The following UBP1 variants were observed in gnomAD, a reference collection of about 807,000 sequenced individuals.
UBP1 encodes the protein upstream-binding protein 1.
UBP1 carries 22 observed loss-of-function variants against 76.1 expected under a neutral mutation model. The observed-to-expected ratio is 0.29, with a 90% CI of 0.21 to 0.41. The LOEUF (loss-of-function observed/expected upper bound fraction) is 0.41, where lower values mean the gene tolerates loss of function less well. UBP1 is among the 10% of genes least tolerant of loss of function. The probability of loss-of-function intolerance (pLI) is 1.00; values close to 1 mark genes in which losing one functional copy is unlikely to be tolerated. For missense variants in UBP1, 436 were observed against 668.1 expected (o/e 0.65, Z 3.83); for synonymous variants, 224 against 237.1 (o/e 0.94, Z 0.51).
At chr3:33,403,973 C>T (rs946367985) in intron 8 of UBP1, among the ~76,000 whole-genome samples, 11 of 152,302 alleles carry the variant, frequency 7.2e-5, no homozygotes, top group African/African-American at 2.6e-4. Context: ...AGGCTGGACA[C>T]GGTGACTCAT....
chr3:33,434,422 C>G (rs1464679606), intron 1 of UBP1, among the ~76,000 whole-genome samples: 1 of 151,402 alleles, frequency 6.6e-6, no homozygotes, highest in African/African-American at 2.4e-5. Flanking sequence ...CCTCAGCCTC[C>G]CAGTAGCTGC....
intron 8 of UBP1, among the ~76,000 whole-genome samples, chr3:33,407,940 G>A (rs2044470517): frequency 6.6e-6 from 1 of 152,194 alleles, no homozygotes; most frequent in Non-Finnish European, 1.5e-5. Flanking sequence ...TAGATGAAGA[G>A]TCATGTCATA....
chr3:33,412,763 C>T lies in UBP1; in HGVS notation c.407G>A (p.Gly136Glu). ...LQYTEHQQLE[G>E]WKWNRPGDRL... ...GTCTCCTGGGCGATTCCACTTCCAT[C>T]CTTCAAGTTGCTGATGCTCTGTGTA... The change falls in exon 4 of 16, where the codon GGA (glycine) becomes GAA (glutamate). Residue 136 changes from glycine (G) to glutamate (E), a missense_variant. Physicochemically the swap from Gly to Glu is moderately conservative, Grantham distance 98. Transcript: ENST00000283629. The T allele has an allele frequency of 6.2e-7, 1 of 1,614,100 alleles. No homozygotes were observed. Among genetic ancestry groups the T allele is most frequent in the East Asian group, 2.2e-5 (1 of 44,880 alleles).
intron 1 of UBP1, among the ~76,000 whole-genome samples, chr3:33,433,668 TC>T (rs1285781183): frequency 6.6e-6 from 1 of 151,062 alleles, no homozygotes; most frequent in Non-Finnish European, 1.5e-5. Flanking sequence ...AAAAAAAGAC[TC>T]TACCACCAAA....
chr3:33,402,780 A>G (rs1290720843), intron 9 of UBP1, 21 bp downstream of exon 9: 1 of 1,500,310 alleles, frequency 6.7e-7, no homozygotes, highest in Admixed American at 2.4e-5. Context: ...CTGCAGGCAC[A>G]CGATCACACA....
chr3:33,439,985 G>C lies in UBP1; in HGVS notation c.-137C>G. ...CGGCGAGTGGTCACCAGCGGCGGCCGGGACGAGAGCTGCGGGGGCCCCACT... is the reference window on the plus strand; with the variant it reads ...CGGCGAGTGGTCACCAGCGGCGGCCCGGACGAGAGCTGCGGGGGCCCCACT... On this transcript the variant is annotated 5_prime_UTR_variant, in exon 1 of 16. Transcript: ENST00000283629. 1 of 880,390 alleles carries C rather than the reference G, an allele frequency of 1.1e-6. No individual in the cohort carries two copies. The highest frequency in any genetic ancestry group is 1.7e-6 in the Non-Finnish European group (1 of 604,762). The allele number at this position is 880,390 out of a possible 1,614,324, so 54.5% of individuals were successfully genotyped here. A position where few individuals can be genotyped will look rare whatever the true frequency, so the allele number is the denominator to read the frequency against.
rs757076840 is a variant in UBP1 at position 33,409,433 on chromosome 3, G to A, written c.708+16C>T. ...ACTGAGCCTTAATTACAGAAAACCC[G>A]GGTTCTCTGTCTTACCTTAAAAACT... is the stretch of plus-strand genomic sequence containing the variant. On this transcript the variant is annotated intron_variant, in intron 6 of 15. Transcript: ENST00000283629. 17 of 1,613,836 alleles carry A rather than the reference G, an allele frequency of 1.1e-5. No individual in the cohort carries two copies. Among genetic ancestry groups the A allele is most frequent in the Middle Eastern group, 1.6e-4 (1 of 6,082 alleles).
At chr3:33,417,605 CA>C (rs1221610376) in intron 2 of UBP1, among the ~76,000 whole-genome samples, 6 of 152,122 alleles carry the variant, frequency 3.9e-5, no homozygotes, top group Admixed American at 2.0e-4. Flanking sequence ...TATTAGAAAA[CA>C]CAGATATTCA....
chr3:33,436,458 T>C (rs1186400002), intron 1 of UBP1, among the ~76,000 whole-genome samples: 6 of 152,364 alleles, frequency 3.9e-5, no homozygotes, highest in Non-Finnish European at 7.4e-5. Flanking sequence ...AAATACATAA[T>C]GTATATCTTT....
intron 2 of UBP1, among the ~76,000 whole-genome samples, chr3:33,425,365 C>T (rs2044994052): frequency 6.6e-6 from 1 of 152,158 alleles, no homozygotes; most frequent in Non-Finnish European, 1.5e-5. Context: ...TCTTAAAAAT[C>T]CTGTAATAAA....
chr3:33,420,717 G>A (rs113700554), intron 2 of UBP1, among the ~76,000 whole-genome samples: 16,083 of 152,020 alleles, frequency 0.11, 936 homozygotes, highest in Admixed American at 0.16. Context: ...TCGATCTCTC[G>A]ACCTCGTGAT....
chr3:33,419,476 A>C (rs1016755832), intron 2 of UBP1, among the ~76,000 whole-genome samples: 1 of 152,146 alleles, frequency 6.6e-6, no homozygotes. Flanking sequence ...AAAAATGCAA[A>C]AACTAGCTGG....
At chr3:33,438,323 C>A (rs904454957) in intron 1 of UBP1, among the ~76,000 whole-genome samples, 2 of 152,186 alleles carry the variant, frequency 1.3e-5, no homozygotes, top group African/African-American at 4.8e-5. Flanking sequence ...TGAGGAGAGA[C>A]ACATATTGAA....
Position 33,396,149 on chromosome 3 carries a change from C to T in UBP1, c.1390+13G>A, listed in dbSNP as rs202019607. The T allele has an allele frequency of 6.4e-6, 10 of 1,552,632 alleles. No individual in the cohort carries two copies. The highest frequency in any genetic ancestry group is 4.6e-5 in the East Asian group (2 of 43,742). On this transcript the variant is annotated intron_variant, in intron 13 of 15. Coordinates refer to ENST00000283629, the MANE Select transcript of UBP1 (RefSeq NM_014517.5). The stretch of plus-strand genomic sequence containing the variant: ...CTCAGAAGTGACAGAATTGAGATGC[C>T]CTCAATACCTACCATAGGGTGCCCC...
chr3:33,392,326 G>GTAAGA (rs2043801862), intron 15 of UBP1: 3 of 435,336 alleles, frequency 6.9e-6, no homozygotes, highest in Non-Finnish European at 1.2e-5. Context: ...AAAGTGCTCA[G>GTAAGA]TAAGACGTTG....
intron 2 of UBP1, among the ~76,000 whole-genome samples, chr3:33,417,799 T>G (rs1005313529): frequency 1.4e-4 from 22 of 152,206 alleles, no homozygotes; most frequent in Non-Finnish European, 4.4e-5. Flanking sequence ...TTGAGAATCT[T>G]TATAACTACC....
chr3:33,430,634 T>C (rs1575491004), intron 1 of UBP1, among the ~76,000 whole-genome samples: 1 of 152,286 alleles, frequency 6.6e-6, no homozygotes, highest in Admixed American at 6.5e-5. Context: ...GAAAACTACA[T>C]ATAGAAGAAT....
At position 33,440,095 on chromosome 3, in the gene UBP1, T is replaced by C. The variant is rs924026661; in HGVS notation, c.-247A>G. 6.1e-5 allele frequency: 22 copies of C among 362,326 alleles called. No individual in the cohort carries two copies. Among genetic ancestry groups the C allele is most frequent in the Non-Finnish European group, 9.8e-5 (20 of 204,192 alleles). The allele number at this position is 362,326 out of a possible 1,614,324, so 22.4% of individuals were successfully genotyped here. A position where few individuals can be genotyped will look rare whatever the true frequency, so the allele number is the denominator to read the frequency against. On this transcript the variant is annotated 5_prime_UTR_variant, in exon 1 of 16. Transcript: ENST00000283629. The stretch of plus-strand genomic sequence containing the variant: ...GCCACCCTCCCGCGGACACCGGCCC[T>C]GCGCCTCATGCCGGCGCCGCCGCCC...
intron 3 of UBP1, among the ~76,000 whole-genome samples, chr3:33,414,548 G>A (rs976854277): frequency 1.3e-5 from 2 of 152,076 alleles, no homozygotes; most frequent in Non-Finnish European, 1.5e-5. Flanking sequence ...GATCCCCAAG[G>A]TTCCCCCACA....
Sources: gnomAD v4.1 joint callset for allele counts (sites outside exome capture counted in the v4.1 genomes callset) on GRCh38, gnomAD v4.1.1 for gene constraint, MANE v1.5 for transcripts, NCBI Gene and HGNC (gene_info 2026-07-23, HGNC 2026-07-21) for gene names.